The following SSX2IP variants were observed in gnomAD, a reference collection of about 807,000 sequenced individuals.
SSX2IP encodes SSX family member 2 interacting protein.
In SSX2IP, 55 loss-of-function variants were observed where a neutral mutation model predicts 84.9. That is an observed-to-expected ratio of 0.65 (90% CI 0.52 to 0.81). SSX2IP has a LOEUF of 0.81. SSX2IP is among the 30% of genes least tolerant of loss of function. The pLI is 0.00. For synonymous variants in SSX2IP, 239 were observed against 234.7 expected, an observed-to-expected ratio of 1.02 and a Z score of -0.17; for missense variants, 664 against 705.2, an observed-to-expected ratio of 0.94 and a Z score of 0.66.
At chr1:84,650,225 G>T in intron 13 of SSX2IP, 137 bp downstream of exon 13, 1 of 822,976 alleles carries the variant, frequency 1.2e-6, no homozygotes. Context: ...AATATTTGTA[G>T]AATGAATAAA....
intron 9 of SSX2IP, among the ~76,000 whole-genome samples, chr1:84,657,537 A>C (rs909416586): frequency 6.6e-6 from 1 of 151,988 alleles, no homozygotes; most frequent in East Asian, 1.9e-4. Context: ...TACTACGATA[A>C]ATATTTCTTG....
chr1:84,649,387 C>T (rs1172377645), intron 13 of SSX2IP, among the ~76,000 whole-genome samples: 1 of 152,178 alleles, frequency 6.6e-6, no homozygotes, highest in Admixed American at 6.5e-5. Context: ...AGCTCTTTTT[C>T]ATCCCCTCTA....
intron 10 of SSX2IP, 111 bp downstream of exon 10, chr1:84,656,237 A>C: frequency 8.8e-7 from 1 of 1,142,824 alleles, no homozygotes; most frequent in Non-Finnish European, 1.2e-6. Flanking sequence ...CACAGACTAG[A>C]AATCTGTCAA....
intron 9 of SSX2IP, 96 bp from the exon 10 acceptor site, chr1:84,656,580 T>C: frequency 8.7e-7 from 1 of 1,152,316 alleles, no homozygotes; most frequent in Middle Eastern, 2.1e-4. Flanking sequence ...CTCAGAACTT[T>C]TATCTTTCTA....
chr1:84,664,476 T>A lies in SSX2IP; in HGVS notation c.614A>T (p.Tyr205Phe). The A allele has an allele frequency of 6.2e-7, 1 of 1,604,246 alleles. No individual in the cohort carries two copies. Among genetic ancestry groups the A allele is most frequent in the Admixed American group, 1.7e-5 (1 of 58,098 alleles). ...ATGTAGACGTTCCTTCAGTTTATTA[T>A]ATTCACGCTCTTTTCTCTTCATATC... ...NHDMKRKEREYNKLKERLHQL... is the reference protein window; with the variant it reads ...NHDMKRKEREFNKLKERLHQL... Residue 205 changes from tyrosine (Y) to phenylalanine (F), a missense_variant, in exon 6 of 14, where the codon TAT becomes TTT. Transcript: ENST00000342203.
intron 12 of SSX2IP, among the ~76,000 whole-genome samples, chr1:84,651,618 C>CTCA (rs1447152096): frequency 3.9e-5 from 6 of 152,110 alleles, no homozygotes; most frequent in Admixed American, 2.0e-4. Context: ...ATCCCAGCTA[C>CTCA]TCAGGAGGCT....
In SSX2IP at chr1:84,681,688, T is replaced by C. The variant is rs142841731; in HGVS notation, c.-90+8683A>G. ...ATGAGATAATGTGTGAAAGTACTCT[T>C]AGCTCAATCCCAAAAAGTAGCAGCC... On this transcript the variant is annotated intron_variant, in intron 1 of 13. Transcript: ENST00000342203. 3.0e-4 allele frequency among the ~76,000 whole-genome samples: 46 copies of C among 152,360 alleles called. No individual in the cohort carries two copies. The East Asian group carries it at 8.3e-3, about 27-fold the overall frequency.
chr1:84,660,038 T>C (rs7546988), intron 8 of SSX2IP, among the ~76,000 whole-genome samples: 2,426 of 152,136 alleles, frequency 0.016, 60 homozygotes, highest in African/African-American at 0.05. Context: ...TCATTTTACC[T>C]GAATTTTCGG....
chr1:84,681,029 T>A (rs935613452), intron 1 of SSX2IP, among the ~76,000 whole-genome samples: 6 of 108,006 alleles, frequency 5.6e-5, no homozygotes, highest in Admixed American at 3.7e-4. Context: ...CAAGCAGTCT[T>A]GTTGGGCAAA....
intron 4 of SSX2IP, among the ~76,000 whole-genome samples, chr1:84,669,030 TC>T (rs1473682762): frequency 6.6e-6 from 1 of 151,998 alleles, no homozygotes; most frequent in Non-Finnish European, 1.5e-5. Context: ...AACACCTTGT[TC>T]CCTTCTCCTT....
At chr1:84,654,934 C>T (rs1181841925) in intron 11 of SSX2IP, among the ~76,000 whole-genome samples, 1 of 152,104 alleles carries the variant, frequency 6.6e-6, no homozygotes, top group African/African-American at 2.4e-5. Flanking sequence ...AAGTCCTCAG[C>T]TTTCACTGCA....
intron 13 of SSX2IP, 42 bp from the exon 14 acceptor site, chr1:84,647,649 C>T (rs540569207): frequency 1.4e-6 from 2 of 1,420,854 alleles, no homozygotes; most frequent in African/African-American, 2.8e-5. Context: ...CTATCCTCTC[C>T]TTCTTTTGTA....
intron 1 of SSX2IP, among the ~76,000 whole-genome samples, chr1:84,677,017 CTCTG>C (rs2102511926): frequency 6.6e-6 from 1 of 152,240 alleles, no homozygotes; most frequent in East Asian, 1.9e-4. Flanking sequence ...GCCCAGTCAA[CTCTG>C]TGCTCTTTTC....
At chr1:84,687,444 A>G (rs1655951185) in intron 1 of SSX2IP, among the ~76,000 whole-genome samples, 1 of 152,222 alleles carries the variant, frequency 6.6e-6, no homozygotes, top group Non-Finnish European at 1.5e-5. Context: ...GTACTGCATT[A>G]TAACTGTGTT....
At chr1:84,680,135 G>T (rs1654881385) in intron 1 of SSX2IP, among the ~76,000 whole-genome samples, 1 of 152,150 alleles carries the variant, frequency 6.6e-6, no homozygotes, top group Non-Finnish European at 1.5e-5. Context: ...TGGGTTGAGG[G>T]ATATAATCTC....
chr1:84,658,926 G>A (rs181073765), intron 8 of SSX2IP, among the ~76,000 whole-genome samples: 53 of 152,292 alleles, frequency 3.5e-4, no homozygotes, highest in African/African-American at 1.3e-3. Context: ...TTTAATAAAA[G>A]CAACTGTTAA....
chr1:84,687,158 A>G (rs1227875796), intron 1 of SSX2IP, among the ~76,000 whole-genome samples: 1 of 152,206 alleles, frequency 6.6e-6, no homozygotes, highest in African/African-American at 2.4e-5. Context: ...ATTATCCTTC[A>G]TAAATGCGAC....
At position 84,647,403 on chromosome 1, in the gene SSX2IP, C is replaced by G. The variant is rs1649574773; in HGVS notation, c.*30G>C. On this transcript the variant is annotated 3_prime_UTR_variant, in exon 14 of 14. Transcript: ENST00000342203. ...ACTTAGATGTGAAACTTGATGAACA[C>G]ATTAATGAAAAAAATTCCAGTCCAC... 6.5e-7 allele frequency: 1 copy of G among 1,532,140 alleles called. No individual in the cohort carries two copies. Among genetic ancestry groups the G allele is most frequent in the African/African-American group, 1.4e-5 (1 of 72,454 alleles). The allele number at this position is 1,532,140 out of a possible 1,614,324, so 94.9% of individuals were successfully genotyped here.
chr1:84,670,163 T>C (rs1282167161), intron 3 of SSX2IP: 2 of 218,258 alleles, frequency 9.2e-6, no homozygotes, highest in Non-Finnish European at 8.9e-6. Flanking sequence ...CAAATATATA[T>C]AATTTTTGTC....
Sources: allele counts gnomAD v4.1 joint callset (sites outside exome capture counted in the v4.1 genomes callset), GRCh38; gene constraint gnomAD v4.1.1; transcripts MANE v1.5; gene names NCBI Gene and HGNC (gene_info 2026-07-23, HGNC 2026-07-21).